The following TCOF1 variants were observed in gnomAD, a reference collection of about 807,000 sequenced individuals.
TCOF1 encodes the protein treacle protein.
A neutral mutation model predicts 149.0 loss-of-function variants in TCOF1; 33 were observed. The observed-to-expected ratio is 0.22, with a 90% CI of 0.17 to 0.30. TCOF1 has a LOEUF of 0.30. Ranked by LOEUF, TCOF1 falls within the 10% of genes least tolerant of loss-of-function variation. The probability of loss-of-function intolerance (pLI) is 1.00; values close to 1 mark genes in which losing one functional copy is unlikely to be tolerated. For synonymous variants in TCOF1, 789 were observed against 738.8 expected (o/e 1.07, Z -1.10); for missense variants, 1,728 against 1,840.7 (o/e 0.94, Z 1.12).
chr5:150,370,936 G>T (rs1762405428), intron 6 of TCOF1, among the ~76,000 whole-genome samples: 1 of 152,198 alleles, frequency 6.6e-6, no homozygotes, highest in Non-Finnish European at 1.5e-5. Flanking sequence ...TATTCTAGGG[G>T]CTGTGAGAAG....
In TCOF1 at chr5:150,393,478, C is replaced by T; in HGVS notation, c.3710C>T (p.Ala1237Val). Residue 1237 changes from alanine to valine, a missense_variant, in exon 23 of 27, where the codon GCC becomes GTC. This residue lies in a region of TCOF1 where 1,696 missense variants were observed against 1,765.4 expected (regional missense o/e 0.96). Coordinates refer to ENST00000643257, the MANE Select transcript of TCOF1 (RefSeq NM_001371623.1). ...DSSPSVSSTL[A>V]AKDDPDGKQE... is the part of the protein sequence containing the mutation. ...AGCCCCTCAGTTTCCTCTACTCTGG[C>T]CGCCAAAGATGACCCAGATGGCAAG... 6.2e-7 allele frequency: 1 copy of T among 1,614,194 alleles called. No individual in the cohort carries two copies. The highest frequency in any genetic ancestry group is 8.5e-7 in the Non-Finnish European group (1 of 1,180,036).
chr5:150,389,831 T>C, intron 18 of TCOF1, 56 bp from the exon 19 acceptor site: 12 of 1,613,756 alleles, frequency 7.4e-6, no homozygotes, highest in Non-Finnish European at 9.3e-6. Context: ...TTGCCGCTGC[T>C]GAGGAGGCGA....
rs373946807 is a variant in TCOF1 at position 150,378,959 on chromosome 5, G to A, written c.2395G>A (p.Ala799Thr). ...CAAAGCCAACCCAGCTGCCGCCAGAGCACCTTCAGCAAAAGGGACAATTTC... is the reference window on the plus strand; with the variant it reads ...CAAAGCCAACCCAGCTGCCGCCAGAACACCTTCAGCAAAAGGGACAATTTC... ...QAKANPAAARAPSAKGTISAP... is the reference protein window; with the variant it reads ...QAKANPAAARTPSAKGTISAP... The change falls in exon 15 of 27, where the codon GCA (alanine) becomes ACA (threonine). Residue 799 changes from alanine (A) to threonine (T), a missense_variant. Ala to Thr is a moderately conservative substitution (Grantham distance 58, BLOSUM62 0). Around this residue, in one of 2 missense-constraint regions of TCOF1, gnomAD observed 1,696 missense variants for 1,765.4 expected, o/e 0.96. Coordinates refer to ENST00000643257, the MANE Select transcript of TCOF1 (RefSeq NM_001371623.1). 1 of 1,614,002 alleles carries A rather than the reference G, an allele frequency of 6.2e-7. No homozygotes were observed. The highest frequency in any genetic ancestry group is 8.5e-7 in the Non-Finnish European group (1 of 1,180,034).
chr5:150,369,883 C>T (rs1353048387), intron 6 of TCOF1, among the ~76,000 whole-genome samples: 2 of 152,054 alleles, frequency 1.3e-5, no homozygotes, highest in African/African-American at 4.8e-5. Flanking sequence ...AGTAGGGCCT[C>T]AAAGCACAGT....
chr5:150,369,975 T>C (rs1762173108), intron 6 of TCOF1, among the ~76,000 whole-genome samples: 1 of 152,014 alleles, frequency 6.6e-6, no homozygotes, highest in Non-Finnish European at 1.5e-5. Context: ...GAGGCAACAG[T>C]GTGGCTGTCG....
intron 23 of TCOF1, among the ~76,000 whole-genome samples, chr5:150,395,756 G>A (rs1768361888): frequency 6.6e-6 from 1 of 152,108 alleles, no homozygotes; most frequent in Non-Finnish European, 1.5e-5. Context: ...TTGAATGTCT[G>A]CATGGCCCCC....
Position 150,391,723 on chromosome 5 carries a change from C to T in TCOF1, c.3297+66C>T, listed in dbSNP as rs11742769. The T allele has an allele frequency of 0.11, 163,851 of 1,463,328 alleles. 10,527 individuals are homozygous for T. The highest frequency in any genetic ancestry group is 0.28 in the East Asian group (11,439 of 41,366). 90.6% of individuals were successfully genotyped at this position (1,463,328 alleles called of 1,614,324 possible). On this transcript the variant is annotated intron_variant, in intron 20 of 26. Coordinates refer to ENST00000643257, the MANE Select transcript of TCOF1 (RefSeq NM_001371623.1). ...AGAAGGTGCAGGCGTGGCCCTGCAT[C>T]GCGGCACCAGCACTCATCTGCCCCA... is the stretch of plus-strand genomic sequence containing the variant.
chr5:150,390,084 T>TA, intron 19 of TCOF1, 61 bp downstream of exon 19: 1 of 1,554,552 alleles, frequency 6.4e-7, no homozygotes, highest in Non-Finnish European at 8.7e-7. Flanking sequence ...CTTCCATACT[T>TA]ACCCACATGT....
chr5:150,359,569 C>T (rs1759545451), intron 1 of TCOF1, among the ~76,000 whole-genome samples: 1 of 152,104 alleles, frequency 6.6e-6, no homozygotes, highest in South Asian at 2.1e-4. Flanking sequence ...AATGCTTGCT[C>T]TCAGAACCTC....
chr5:150,368,190 G>A (rs766752660), intron 4 of TCOF1: 16 of 462,044 alleles, frequency 3.5e-5, no homozygotes, highest in South Asian at 2.6e-4. Flanking sequence ...TCATGCCTGC[G>A]TTCACCCGTT....
rs368783958 is a variant in TCOF1, at chr5:150,369,627, T to A, written c.639+25T>A. 11 of 1,613,102 alleles carry A rather than the reference T, an allele frequency of 6.8e-6. No homozygotes were observed. In the African/African-American group the frequency reaches 1.1e-4, roughly 16 times the overall value. ...GGTAATTGCCACCCATCCCTAGGAG[T>A]TGCCCTCTCCCAGCCTCTAACCCTT... is the stretch of plus-strand genomic sequence containing the variant. On this transcript the variant is annotated intron_variant, in intron 6 of 26. Transcript: ENST00000643257.
At chr5:150,375,605 G>A in intron 11 of TCOF1, 51 bp downstream of exon 11, 3 of 1,613,398 alleles carry the variant, frequency 1.9e-6, no homozygotes, top group Non-Finnish European at 1.7e-6. Flanking sequence ...ACTCAGAGTG[G>A]AGCTGCCTGT....
intron 2 of TCOF1, among the ~76,000 whole-genome samples, chr5:150,362,309 A>C (rs779430750): frequency 1.3e-5 from 2 of 152,128 alleles, no homozygotes; most frequent in African/African-American, 2.4e-5. Context: ...AAATGGAGAG[A>C]GTAATTGTGT....
At chr5:150,391,268 G>A (rs1242664811) in intron 19 of TCOF1, among the ~76,000 whole-genome samples, 1 of 152,210 alleles carries the variant, frequency 6.6e-6, no homozygotes, top group African/African-American at 2.4e-5. Flanking sequence ...AAGTAGAGAT[G>A]GGGGTCCACC....
chr5:150,374,496 G>T, intron 8 of TCOF1, 110 bp downstream of exon 8: 2 of 1,559,780 alleles, frequency 1.3e-6, no homozygotes, highest in Non-Finnish European at 1.7e-6. Context: ...TCAGACCCCA[G>T]CCCCTTACTC....
rs1761922054 is a variant in TCOF1 at position 150,368,813 on chromosome 5, A to G, written c.476A>G (p.Lys159Arg). ...CTTCTTTCTGGGAAGTCTCCCAGGA[A>G]GTCAGCAGAGCCCTCAGCAAATACT... ...ANLLSGKSPRKSAEPSANTTL... is the reference protein window; with the variant it reads ...ANLLSGKSPRRSAEPSANTTL... Residue 159 changes from lysine to arginine, a missense_variant, in exon 5 of 27, where the codon AAG (lysine) becomes AGG (arginine). Around this residue, in one of 2 missense-constraint regions of TCOF1, gnomAD observed 1,696 missense variants for 1,765.4 expected, o/e 0.96. Coordinates refer to ENST00000643257, the MANE Select transcript of TCOF1 (RefSeq NM_001371623.1). The G allele has an allele frequency of 1.2e-6, 2 of 1,614,096 alleles. No individual in the cohort carries two copies. Among genetic ancestry groups the G allele is most frequent in the African/African-American group, 1.3e-5 (1 of 75,070 alleles).
intron 17 of TCOF1, 52 bp downstream of exon 17, chr5:150,379,784 G>GTAT (rs773375238): frequency 6.3e-6 from 10 of 1,592,892 alleles, no homozygotes; most frequent in Non-Finnish European, 8.6e-6. Flanking sequence ...CAGAACGGGG[G>GTAT]TATAGGGCTG....
intron 18 of TCOF1, among the ~76,000 whole-genome samples, chr5:150,389,267 T>C (rs73799045): frequency 0.024 from 3,685 of 152,290 alleles, 157 homozygotes; most frequent in African/African-American, 0.083. Flanking sequence ...AAAATATACG[T>C]GTGTTTTTAA....
chr5:150,390,751 G>A (rs931261317), intron 19 of TCOF1, among the ~76,000 whole-genome samples: 1 of 152,164 alleles, frequency 6.6e-6, no homozygotes, highest in African/African-American at 2.4e-5. Context: ...GGGAACATGG[G>A]TGTCGGATGG....
Sources: allele counts gnomAD v4.1 joint callset (sites outside exome capture counted in the v4.1 genomes callset), GRCh38; gene constraint gnomAD v4.1.1; regional missense constraint gnomAD v4.1.1; transcripts MANE v1.5; gene names NCBI Gene and HGNC (gene_info 2026-07-23, HGNC 2026-07-21).